POLN: variants seen among roughly 807,000 people sequenced by gnomAD.
POLN encodes DNA polymerase N.
Under a neutral mutation model 113.5 loss-of-function variants are expected in POLN, and 108 were observed. The ratio of observed to expected loss-of-function variants is 0.95; its 90% CI spans 0.81 to 1.12. The LOEUF (loss-of-function observed/expected upper bound fraction) is 1.12, where lower values mean the gene tolerates loss of function less well. Ranked by LOEUF, POLN falls within the 50% of genes most tolerant of loss-of-function variation. POLN has a pLI of 0.00. For missense variants in POLN, 1,097 were observed against 1,077.1 expected (o/e 1.02, Z -0.26); for synonymous variants, 386 against 391.5 (o/e 0.99, Z 0.17).
In POLN at chr4:2,208,401, C is replaced by T. The variant is rs1309569161; in HGVS notation, c.300G>A (p.Leu100=). The T allele has an allele frequency of 6.2e-7, 1 of 1,611,714 alleles. No homozygotes were observed. The highest frequency in any genetic ancestry group is 1.1e-5 in the South Asian group (1 of 90,300). The part of the protein sequence containing the change: ...QSFSVRLTDQ[L]SADQKQKSIS... Reference sequence around the variant, plus strand: ...TGCTCTTCTGTTTTTGGTCAGCAGACAGCTGATCTGTGAGCCTGACACTGA... The same window carrying T: ...TGCTCTTCTGTTTTTGGTCAGCAGATAGCTGATCTGTGAGCCTGACACTGA... Residue 100 remains leucine, a synonymous_variant, in exon 5 of 26, where the codon CTG becomes CTA. Coordinates refer to ENST00000511885, the MANE Select transcript of POLN (RefSeq NM_181808.4).
At chr4:2,114,467 C>G (rs937296449) in intron 19 of POLN, among the ~76,000 whole-genome samples, 1 of 152,106 alleles carries the variant, frequency 6.6e-6, no homozygotes, top group Non-Finnish European at 1.5e-5. Flanking sequence ...GAAAATGTAT[C>G]TTTTGCATTA....
chr4:2,213,013 C>T (rs1423706443), intron 4 of POLN, 34 bp downstream of exon 4: 2 of 1,449,112 alleles, frequency 1.4e-6, no homozygotes, highest in Non-Finnish European at 1.9e-6. Context: ...AATAAGTTAT[C>T]TATTTAAAAT....
intron 19 of POLN, among the ~76,000 whole-genome samples, chr4:2,119,627 C>T (rs950552882): frequency 3.3e-5 from 5 of 152,184 alleles, no homozygotes; most frequent in East Asian, 3.9e-4. Flanking sequence ...TCTTTGAAAA[C>T]GTTACTAAGT....
chr4:2,122,885 G>A (rs1731482193), intron 19 of POLN, among the ~76,000 whole-genome samples: 1 of 152,150 alleles, frequency 6.6e-6, no homozygotes, highest in African/African-American at 2.4e-5. Context: ...AGGGGCGGTA[G>A]CTCACACCTG....
chr4:2,222,711 T>TTTG (rs767594412), intron 3 of POLN, among the ~76,000 whole-genome samples: 8,787 of 147,432 alleles, frequency 0.06, 300 homozygotes, highest in African/African-American at 0.11. Flanking sequence ...TTTTTTTTTT[T>TTTG]TATTTTTCCA....
At chr4:2,230,969 C>A (rs188900482) in intron 2 of POLN, 33 of 152,316 alleles carry the variant, frequency 2.2e-4, no homozygotes, top group African/African-American at 5.8e-4. Context: ...TGAGCAACCA[C>A]TTTTACAGAA....
intron 19 of POLN, among the ~76,000 whole-genome samples, chr4:2,121,452 A>ATAT (rs60338777): frequency 4.1e-4 from 51 of 125,608 alleles, no homozygotes; most frequent in African/African-American, 5.8e-4. Flanking sequence ...AAAAAAAAAA[A>ATAT]ATATATATAT....
At chr4:2,174,112 T>A (rs1467661949) in intron 10 of POLN, 93 bp from the exon 11 acceptor site, 13 of 1,156,338 alleles carry the variant, frequency 1.1e-5, no homozygotes, top group East Asian at 4.7e-5. Context: ...AGGACAATAA[T>A]GACTGCAACT....
At position 2,202,243 on chromosome 4, in the gene POLN, C is replaced by T. The variant is rs149349054; in HGVS notation, c.715-3526G>A. 4.4e-3 allele frequency among the ~76,000 whole-genome samples: 666 copies of T among 152,240 alleles called. 5 individuals are homozygous for T. Among genetic ancestry groups the T allele is most frequent in the African/African-American group, 7.4e-3 (306 of 41,538 alleles). The stretch of plus-strand genomic sequence containing the variant: ...GCCTAAATGCTCCACTTAAAAGATA[C>T]AGAATTGCAGAATGGATAAGAATTC... On this transcript the variant is annotated intron_variant, in intron 5 of 25. Coordinates refer to ENST00000511885, the MANE Select transcript of POLN (RefSeq NM_181808.4).
At chr4:2,190,651 G>GAT (rs1313547883) in intron 7 of POLN, among the ~76,000 whole-genome samples, 2 of 151,870 alleles carry the variant, frequency 1.3e-5, no homozygotes, top group African/African-American at 4.8e-5. Context: ...TAACAACCAG[G>GAT]ATATAAAAGG....
At chr4:2,175,472 A>G (rs1732972432) in intron 9 of POLN, among the ~76,000 whole-genome samples, 1 of 152,236 alleles carries the variant, frequency 6.6e-6, no homozygotes. Context: ...AAAATTTACC[A>G]ATAATTCTCA....
chr4:2,201,433 A>G (rs1162558148), intron 5 of POLN, among the ~76,000 whole-genome samples: 1 of 151,664 alleles, frequency 6.6e-6, no homozygotes, highest in Non-Finnish European at 1.5e-5. Context: ...AGAATCAAAC[A>G]AGCAGAAGAA....
chr4:2,169,231 C>A (rs573322605), intron 13 of POLN, among the ~76,000 whole-genome samples: 2 of 152,276 alleles, frequency 1.3e-5, no homozygotes, highest in East Asian at 3.9e-4. Context: ...AGATTTGATG[C>A]TAAGTGCAAT....
rs904308262 is a variant in POLN, at chr4:2,126,561, A to AGAGACCAGAGAGGAGCG, written c.1982+1535_1982+1551dup. Among the ~76,000 whole-genome samples the AGAGACCAGAGAGGAGCG allele has an allele frequency of 2.0e-5, 3 of 152,082 alleles. No individual in the cohort carries two copies. The highest frequency in any genetic ancestry group is 2.9e-5 in the Non-Finnish European group (2 of 68,018). On this transcript the variant is annotated intron_variant, in intron 19 of 25. Coordinates refer to ENST00000511885, the MANE Select transcript of POLN (RefSeq NM_181808.4). The surrounding 1 kb of genome is among the most constrained non-coding windows in gnomAD (Gnocchi z 4.6). ...AATGTGCATCGGACCAGAGAGGAGC[A>AGAGACCAGAGAGGAGCG]GAGACCAGAGAGGAGCGGAGACCAG...
intron 2 of POLN, chr4:2,231,725 C>G (rs932589435): frequency 3.6e-5 from 15 of 419,574 alleles, no homozygotes; most frequent in Non-Finnish European, 6.0e-5. Flanking sequence ...CTAAGTACCA[C>G]TAAACACATG....
At chr4:2,173,853 G>T in intron 11 of POLN, 102 bp downstream of exon 11, 1 of 1,120,366 alleles carries the variant, frequency 8.9e-7, no homozygotes, top group Admixed American at 1.8e-5. Flanking sequence ...ACCAAACAAG[G>T]AAGAGAAGAA....
chr4:2,085,445 G>A (rs756655821), intron 21 of POLN, among the ~76,000 whole-genome samples, 168 bp downstream of exon 21: 2 of 151,962 alleles, frequency 1.3e-5, no homozygotes, highest in East Asian at 1.9e-4. Context: ...GTCCCTTCTC[G>A]TGTGGAACCT....
intron 19 of POLN, among the ~76,000 whole-genome samples, chr4:2,102,192 G>T (rs1730943838): frequency 6.6e-6 from 1 of 152,090 alleles, no homozygotes; most frequent in South Asian, 2.1e-4. Flanking sequence ...TCCACTGGGG[G>T]GCACTTAACA....
intron 25 of POLN, 38 bp downstream of exon 25, chr4:2,072,930 G>A: frequency 6.2e-7 from 1 of 1,607,862 alleles, no homozygotes; most frequent in Non-Finnish European, 8.5e-7. Flanking sequence ...CCTCACCCTG[G>A]GCTCCGGAAG....
Sources: gnomAD v4.1 joint callset for allele counts (sites outside exome capture counted in the v4.1 genomes callset) on GRCh38, gnomAD v4.1.1 for gene constraint, Gnocchi (gnomAD v3.1) non-coding constraint, MANE v1.5 for transcripts, NCBI Gene and HGNC (gene_info 2026-07-23, HGNC 2026-07-21) for gene names.